SLC14A2: variants seen among roughly 807,000 people sequenced by gnomAD.
The protein encoded by SLC14A2 is urea transporter 2.
Under a neutral mutation model 104.6 loss-of-function variants are expected in SLC14A2, and 91 were observed. That is an observed-to-expected ratio of 0.87 (90% CI 0.73 to 1.04). The LOEUF is 1.04. SLC14A2 is among the 50% of genes least tolerant of loss of function. The pLI is 0.00. For synonymous variants in SLC14A2, 476 were observed against 466.4 expected (o/e 1.02, Z -0.27); for missense variants, 1,189 against 1,156.0 (o/e 1.03, Z -0.41).
At chr18:45,355,577 C>CAAAAA (rs768389823) in intron 1 of SLC14A2, among the ~76,000 whole-genome samples, 1,456 of 50,678 alleles carry the variant, frequency 0.029, 81 homozygotes, top group Non-Finnish European at 0.036. Flanking sequence ...TACTCTGTCT[C>CAAAAA]AAAAAAAAAA....
intron 1 of SLC14A2, among the ~76,000 whole-genome samples, chr18:45,223,562 G>C (rs2084084337): frequency 6.6e-6 from 1 of 152,214 alleles, no homozygotes; most frequent in Admixed American, 6.5e-5. Flanking sequence ...CCAATGGTTA[G>C]TTTTCATGAT....
intron 1 of SLC14A2, among the ~76,000 whole-genome samples, chr18:45,298,411 G>A (rs373282373): frequency 6.6e-6 from 1 of 152,200 alleles, no homozygotes; most frequent in South Asian, 2.1e-4. Flanking sequence ...TCTACTGGGA[G>A]TCCAGGATAC....
At chr18:45,441,490 G>GT (rs1247179751) in intron 1 of SLC14A2, among the ~76,000 whole-genome samples, 2 of 152,218 alleles carry the variant, frequency 1.3e-5, no homozygotes, top group African/African-American at 4.8e-5. Flanking sequence ...ACACTCCTAA[G>GT]TGTGGGACCA....
chr18:45,562,849 G>T (rs1402826986), intron 2 of SLC14A2, among the ~76,000 whole-genome samples: 1 of 152,200 alleles, frequency 6.6e-6, no homozygotes, highest in Non-Finnish European at 1.5e-5. Flanking sequence ...AAATATTATT[G>T]TTTCATTCCA....
At chr18:45,287,261 C>A (rs2084823926) in intron 1 of SLC14A2, among the ~76,000 whole-genome samples, 1 of 152,222 alleles carries the variant, frequency 6.6e-6, no homozygotes, top group African/African-American at 2.4e-5. Flanking sequence ...TACCTGCTAG[C>A]ATTAATTAGA....
intron 16 of SLC14A2, among the ~76,000 whole-genome samples, chr18:45,671,022 A>T (rs2046124699): frequency 6.6e-6 from 1 of 152,096 alleles, no homozygotes; most frequent in Non-Finnish European, 1.5e-5. Flanking sequence ...ACCTTCTTGG[A>T]CCAGAAACAA....
At chr18:45,254,801 G>A (rs1177343923) in intron 1 of SLC14A2, among the ~76,000 whole-genome samples, 1 of 152,128 alleles carries the variant, frequency 6.6e-6, no homozygotes, top group African/African-American at 2.4e-5. Flanking sequence ...AGGGGGCCAC[G>A]TTCTTCCTGC....
At chr18:45,377,032 C>A (rs577968988) in intron 1 of SLC14A2, among the ~76,000 whole-genome samples, 36 of 152,300 alleles carry the variant, frequency 2.4e-4, no homozygotes, top group African/African-American at 8.7e-4. Context: ...TACATCACTG[C>A]CCCCATGCCT....
At chr18:45,412,332 C>A (rs2144493917) in intron 1 of SLC14A2, among the ~76,000 whole-genome samples, 1 of 152,290 alleles carries the variant, frequency 6.6e-6, no homozygotes, top group South Asian at 2.1e-4. Flanking sequence ...CTTTTCATTG[C>A]TTAACTCTTT....
intron 1 of SLC14A2, among the ~76,000 whole-genome samples, chr18:45,395,559 T>C (rs1311709490): frequency 6.6e-6 from 1 of 152,198 alleles, no homozygotes; most frequent in Admixed American, 6.6e-5. Flanking sequence ...TGTGGGGTTT[T>C]TACCACATAA....
At chr18:45,379,997 A>C (rs1330978523) in intron 1 of SLC14A2, among the ~76,000 whole-genome samples, 2 of 152,206 alleles carry the variant, frequency 1.3e-5, no homozygotes, top group Non-Finnish European at 2.9e-5. Flanking sequence ...GCTCCACTGG[A>C]ATCATATGAT....
intron 2 of SLC14A2, among the ~76,000 whole-genome samples, chr18:45,500,499 C>G (rs60005807): frequency 0.019 from 2,938 of 151,640 alleles, 94 homozygotes; most frequent in African/African-American, 0.067. Context: ...ATGGCGTGAA[C>G]CCGGGAGGCG....
rs117500296 is a variant in SLC14A2 at position 45,301,701 on chromosome 18, G to A, written c.-125+88510G>A. ...AGCTATAAGCCAAAGTAACAGCTTC[G>A]AAAAAAGAAAATGCAATCCATTGAC... is the stretch of plus-strand genomic sequence containing the variant. On this transcript the variant is annotated intron_variant, in intron 1 of 20. Coordinates refer to the SLC14A2 transcript ENST00000586448. Among the ~76,000 whole-genome samples, 961 of 152,178 alleles carry A rather than the reference G, an allele frequency of 6.3e-3. 6 individuals carry two copies. The highest frequency in any genetic ancestry group is 9.6e-3 in the Non-Finnish European group (655 of 67,994).
chr18:45,256,505 T>C (rs1051281086), intron 1 of SLC14A2, among the ~76,000 whole-genome samples: 7 of 152,254 alleles, frequency 4.6e-5, no homozygotes, highest in Non-Finnish European at 1.0e-4. Context: ...TCTGTGATTC[T>C]TACAACTCCA....
At chr18:45,625,079 G>A (rs2045237759) in intron 2 of SLC14A2, among the ~76,000 whole-genome samples, 1 of 152,062 alleles carries the variant, frequency 6.6e-6, no homozygotes. Flanking sequence ...CCTTAAACCT[G>A]CTCCCTTGAA....
chr18:45,327,512 TACCCATTCAAAA>T (rs1325639765), intron 1 of SLC14A2, among the ~76,000 whole-genome samples: 7 of 152,174 alleles, frequency 4.6e-5, no homozygotes, highest in African/African-American at 1.7e-4. Context: ...AGAAACACTT[TACCCATTCAAAA>T]ACCCTCAATC....
At chr18:45,640,569 G>A (rs1183679316) in intron 7 of SLC14A2, among the ~76,000 whole-genome samples, 1 of 152,198 alleles carries the variant, frequency 6.6e-6, no homozygotes, top group African/African-American at 2.4e-5. Flanking sequence ...TGACAACAGA[G>A]TCAGAGATTG....
At chr18:45,370,826 A>G (rs1361322979) in intron 1 of SLC14A2, among the ~76,000 whole-genome samples, 3 of 152,170 alleles carry the variant, frequency 2.0e-5, no homozygotes, top group Non-Finnish European at 4.4e-5. Context: ...GGAATTGGAA[A>G]CGGTCCAAGA....
At chr18:45,526,108 A>G (rs1050860783) in intron 2 of SLC14A2, among the ~76,000 whole-genome samples, 12 of 152,346 alleles carry the variant, frequency 7.9e-5, no homozygotes, top group Admixed American at 7.8e-4. Context: ...AGCTTCAGAG[A>G]AAATGAATTT....
Sources: allele counts gnomAD v4.1 joint callset (sites outside exome capture counted in the v4.1 genomes callset), GRCh38; gene constraint gnomAD v4.1.1; transcripts MANE v1.5; gene names NCBI Gene and HGNC (gene_info 2026-07-23, HGNC 2026-07-21).